The following C8orf88 variants were observed in gnomAD, a reference collection of about 807,000 sequenced individuals.
C8orf88 encodes the protein uncharacterized protein C8orf88.
Under a neutral mutation model 18.4 loss-of-function variants are expected in C8orf88, and 14 were observed. That is an observed-to-expected ratio of 0.76 (90% CI 0.50 to 1.19). The LOEUF (loss-of-function observed/expected upper bound fraction) is 1.19. C8orf88 is among the 50% of genes most tolerant of loss of function. The pLI, the probability that C8orf88 is intolerant of heterozygous loss-of-function variation, is 0.00. For synonymous variants in C8orf88, 45 were observed against 42.9 expected, an observed-to-expected ratio of 1.05 and a Z score of -0.19; for missense variants, 116 against 134.7, an observed-to-expected ratio of 0.86 and a Z score of 0.69.
chr8:90,984,968 G>C (rs879777437), intron 1 of C8orf88, 146 bp downstream of exon 1: 8 of 152,222 alleles, frequency 5.3e-5, no homozygotes, highest in Non-Finnish European at 1.0e-4. Context: ...GGGGCCCTGA[G>C]AGATTTCCCG....
rs1586166750 is a variant in C8orf88 at position 90,980,520 on chromosome 8, T to C, written c.-26-59A>G. ...GACAAAATAATCAAGATGCTTTACATGTATACAAATAACTACATCTTTTTT... is the reference window on the plus strand; with the variant it reads ...GACAAAATAATCAAGATGCTTTACACGTATACAAATAACTACATCTTTTTT... On this transcript the variant is annotated intron_variant, in intron 1 of 5. Coordinates refer to ENST00000517562, the MANE Select transcript of C8orf88 (RefSeq NM_001190972.2). 1.1e-5 allele frequency: 7 copies of C among 647,584 alleles called. No homozygotes were observed. The East Asian group carries it at 2.1e-4, about 19-fold the overall frequency. 40.1% of individuals were successfully genotyped at this position (647,584 alleles called of 1,614,324 possible).
intron 3 of C8orf88, 95 bp from the exon 4 acceptor site, chr8:90,971,236 G>C (rs1811279004): frequency 1.8e-6 from 1 of 571,080 alleles, no homozygotes; most frequent in Non-Finnish European, 2.9e-6. Flanking sequence ...AATAATAAAT[G>C]CATTTAGTAG....
chr8:90,963,649 T>C (rs1161348874), intron 4 of C8orf88, among the ~76,000 whole-genome samples: 1 of 151,632 alleles, frequency 6.6e-6, no homozygotes, highest in Admixed American at 6.6e-5. Flanking sequence ...ATAGAAATTA[T>C]TGAGAAGTAC....
intron 1 of C8orf88, among the ~76,000 whole-genome samples, chr8:90,981,320 G>A (rs1236777244): frequency 1.3e-5 from 2 of 152,020 alleles, no homozygotes; most frequent in Non-Finnish European, 2.9e-5. Context: ...TTCTGTTCAC[G>A]CTACTTCCAA....
chr8:90,972,940 C>T (rs1380728386), intron 3 of C8orf88, among the ~76,000 whole-genome samples: 1 of 152,086 alleles, frequency 6.6e-6, no homozygotes, highest in Non-Finnish European at 1.5e-5. Context: ...CTAATTCTTG[C>T]AAAGGTGCCA....
chr8:90,984,336 T>C (rs1039088834), intron 1 of C8orf88, among the ~76,000 whole-genome samples: 1 of 152,220 alleles, frequency 6.6e-6, no homozygotes, highest in African/African-American at 2.4e-5. Context: ...TGAAACCCAA[T>C]ACTGCTTGTA....
chr8:90,963,003 T>C (rs146376199), intron 4 of C8orf88, among the ~76,000 whole-genome samples: 364 of 151,764 alleles, frequency 2.4e-3, no homozygotes, highest in Non-Finnish European at 4.3e-3. Flanking sequence ...TAGGCTCATG[T>C]TCACAGAAAA....
intron 3 of C8orf88, among the ~76,000 whole-genome samples, chr8:90,975,341 G>T (rs185279758): frequency 1.2e-4 from 18 of 152,138 alleles, no homozygotes; most frequent in Admixed American, 2.6e-4. Context: ...TAAATCAACA[G>T]ATCATAATAG....
intron 4 of C8orf88, among the ~76,000 whole-genome samples, chr8:90,965,234 A>G (rs992763605): frequency 6.6e-6 from 1 of 151,806 alleles, no homozygotes; most frequent in Non-Finnish European, 1.5e-5. Flanking sequence ...TGAGTATACT[A>G]ACATTAGACA....
At chr8:90,980,956 G>A (rs1811426325) in intron 1 of C8orf88, among the ~76,000 whole-genome samples, 1 of 152,006 alleles carries the variant, frequency 6.6e-6, no homozygotes, top group African/African-American at 2.4e-5. Flanking sequence ...AACTTCCTTA[G>A]CTGATTCCTC....
chr8:90,977,850 A>C (rs1445734665), intron 3 of C8orf88, among the ~76,000 whole-genome samples: 1 of 152,044 alleles, frequency 6.6e-6, no homozygotes, highest in African/African-American at 2.4e-5. Flanking sequence ...GGGAGGCTGA[A>C]GCAGGAGAAT....
intron 4 of C8orf88, among the ~76,000 whole-genome samples, chr8:90,970,344 G>C (rs1811265506): frequency 6.6e-6 from 1 of 151,576 alleles, no homozygotes; most frequent in African/African-American, 2.4e-5. Context: ...AGAAATATGA[G>C]GATAAATATT....
rs116386482 is a variant in C8orf88 at position 90,984,082 on chromosome 8, A to T, written c.-27+1032T>A. Among the ~76,000 whole-genome samples the T allele has an allele frequency of 1.7e-3, 260 of 152,346 alleles. 1 individual carries two copies. Among genetic ancestry groups the T allele is most frequent in the African/African-American group, 6.1e-3 (253 of 41,586 alleles). ...TGCCATACTAACCATAGATCACAGC[A>T]TATGAAATATACTATGCACTGTTTT... On this transcript the variant is annotated intron_variant, in intron 1 of 5. Transcript: ENST00000517562.
chr8:90,978,904 A>G (rs1189279756), intron 2 of C8orf88, among the ~76,000 whole-genome samples: 3 of 152,218 alleles, frequency 2.0e-5, no homozygotes, highest in Non-Finnish European at 4.4e-5. Context: ...ATACATAATG[A>G]TTATAATACA....
At chr8:90,959,424 T>A (rs979069291) in intron 5 of C8orf88, 1 of 153,532 alleles carries the variant, frequency 6.5e-6, no homozygotes, top group Non-Finnish European at 1.4e-5. Context: ...GTGACTATAG[T>A]TTATATAGCA....
intron 1 of C8orf88, among the ~76,000 whole-genome samples, chr8:90,980,713 G>C (rs1169673861): frequency 6.6e-6 from 1 of 151,788 alleles, no homozygotes; most frequent in Non-Finnish European, 1.5e-5. Flanking sequence ...TTTCTTTTGA[G>C]GCAGAGTCTC....
At chr8:90,966,498 T>TATG (rs1811200565) in intron 4 of C8orf88, among the ~76,000 whole-genome samples, 1 of 140,738 alleles carries the variant, frequency 7.1e-6, no homozygotes, top group African/African-American at 2.6e-5. Context: ...AAACTTAAAG[T>TATG]ATAATAATAA....
intron 3 of C8orf88, among the ~76,000 whole-genome samples, chr8:90,976,557 T>C (rs1439837839): frequency 1.3e-5 from 2 of 152,052 alleles, no homozygotes; most frequent in African/African-American, 4.8e-5. Context: ...CTATGACTTA[T>C]AGAAAACTCA....
intron 2 of C8orf88, among the ~76,000 whole-genome samples, 168 bp downstream of exon 2, chr8:90,980,195 A>C (rs2078935581): frequency 6.6e-6 from 1 of 152,204 alleles, no homozygotes; most frequent in African/African-American, 2.4e-5. Flanking sequence ...TAGATTATAG[A>C]TTGGTAGGTA....
Sources: gnomAD v4.1 joint callset for allele counts (sites outside exome capture counted in the v4.1 genomes callset) on GRCh38, gnomAD v4.1.1 for gene constraint, MANE v1.5 for transcripts, NCBI Gene and HGNC (gene_info 2026-07-23, HGNC 2026-07-21) for gene names.